The following STS variants were observed in gnomAD, a reference collection of about 807,000 sequenced individuals.
STS encodes the protein steryl-sulfatase.
STS carries 7 observed loss-of-function variants against 26.8 expected under a neutral mutation model. That is an observed-to-expected ratio of 0.26 (90% confidence interval 0.15 to 0.49). The LOEUF (loss-of-function observed/expected upper bound fraction) is 0.49, where lower values mean the gene tolerates loss of function less well. Ranked by LOEUF, STS falls within the 20% of genes least tolerant of loss-of-function variation. STS has a pLI of 0.98. For missense variants in STS, 434 were observed against 465.6 expected (o/e 0.93, Z 0.63); for synonymous variants, 199 against 189.4 (o/e 1.05, Z -0.42).
chrX:7,208,756 A>G (rs1451645594), intron 2 of STS, among the ~76,000 whole-genome samples: 1 of 111,891 alleles, frequency 8.9e-6, no homozygotes, highest in African/African-American at 3.2e-5. Flanking sequence ...ATGTAAAACA[A>G]TATAACCTTA....
chrX:7,200,666 C>T lies in STS; in HGVS notation c.-5+9658C>T, dbSNP rs956211065. Among the ~76,000 whole-genome samples the T allele has an allele frequency of 3.9e-4, 44 of 111,630 alleles. 1 individual carries two copies. The Admixed American group carries it at 4.2e-3, about 11-fold the overall frequency. ...GACAAAAATGGATGCCCCAGTGCCACAGTGAACATATTTCCTTAGCTCTGA... is the reference window on the plus strand; with the variant it reads ...GACAAAAATGGATGCCCCAGTGCCATAGTGAACATATTTCCTTAGCTCTGA... On this transcript the variant is annotated intron_variant, in intron 2 of 10. Transcript: ENST00000674429.
At chrX:7,315,584 C>T (rs755230313) in intron 8 of STS, among the ~76,000 whole-genome samples, 1 of 111,631 alleles carries the variant, frequency 9.0e-6, no homozygotes, top group Non-Finnish European at 1.9e-5. Context: ...AGTTCCAAAA[C>T]CTCAAAAGTA....
intron 7 of STS, among the ~76,000 whole-genome samples, chrX:7,304,226 T>A (rs1824827378): frequency 8.9e-6 from 1 of 112,242 alleles, no homozygotes; most frequent in African/African-American, 3.2e-5. Context: ...ATTGTTGCTC[T>A]ACCCATAAAA....
chrX:7,252,845 G>T (rs1173459360), intron 2 of STS, among the ~76,000 whole-genome samples: 1 of 111,666 alleles, frequency 9.0e-6, no homozygotes. Context: ...AGGTTTCTGT[G>T]TTTCCCTTAG....
Position 7,325,515 on chromosome X carries a change from G to A in STS, c.1241+17G>A, listed in dbSNP as rs746670212. 5.0e-6 allele frequency: 6 copies of A among 1,210,241 alleles called. No individual in the cohort carries two copies. The Admixed American group carries it at 6.5e-5, about 13-fold the overall frequency. On this transcript the variant is annotated intron_variant, in intron 9 of 10. Transcript: ENST00000674429. ...TGAGGACAGGTACTCTGATGCCAGG[G>A]TGGTTGGTATTGTTGAGCTCTGATT... is the stretch of plus-strand genomic sequence containing the variant.
At position 7,269,263 on chromosome X, in the gene STS, T is replaced by A. The variant is rs529039155; in HGVS notation, c.807-6688T>A. ...GATGTTCGTCTTTTGCCATACTAGATCTAGTGGGTCCATGGCATTCCCAAC... is the reference window on the plus strand; with the variant it reads ...GATGTTCGTCTTTTGCCATACTAGAACTAGTGGGTCCATGGCATTCCCAAC... On this transcript the variant is annotated intron_variant, in intron 6 of 10. Coordinates refer to ENST00000674429, the MANE Select transcript of STS (RefSeq NM_001320752.2). Among the ~76,000 whole-genome samples, 75 of 92,102 alleles carry A rather than the reference T, an allele frequency of 8.1e-4. 3 individuals are homozygous for A. The South Asian group carries it at 0.043, about 53-fold the overall frequency. 80.0% of individuals were successfully genotyped at this position (92,102 alleles called of 115,157 possible). A position where few individuals can be genotyped will look rare whatever the true frequency, so the allele number is the denominator to read the frequency against.
At chrX:7,312,525 G>C (rs181404946) in intron 8 of STS, among the ~76,000 whole-genome samples, 2 of 111,065 alleles carry the variant, frequency 1.8e-5, no homozygotes, top group African/African-American at 6.5e-5. Flanking sequence ...TTGAATTGTA[G>C]CTCCCATAAT....
In STS at chrX:7,308,503, C is replaced by T. The variant is rs552627665; in HGVS notation, c.1081+3320C>T. Among the ~76,000 whole-genome samples the T allele has an allele frequency of 1.6e-3, 182 of 111,403 alleles. 3 individuals are homozygous for T. The South Asian group carries it at 0.065, about 40-fold the overall frequency. ...GATAGTTCACCAGGGTTCAGAGACA[C>T]GAGAGGTATAGATCAGAAAGGGAGC... On this transcript the variant is annotated intron_variant, in intron 8 of 10. Transcript: ENST00000674429.
chrX:7,279,292 A>ATATAT (rs1555959584), intron 7 of STS, among the ~76,000 whole-genome samples: 688 of 62,577 alleles, frequency 0.011, 20 homozygotes, highest in African/African-American at 0.04. Flanking sequence ...AAAAAAAAAA[A>ATATAT]ATATATATAT....
chrX:7,298,366 T>A (rs1925765834), intron 7 of STS, among the ~76,000 whole-genome samples: 2 of 111,846 alleles, frequency 1.8e-5, no homozygotes, highest in Non-Finnish European at 3.8e-5. Flanking sequence ...TCCCTTGAGC[T>A]CCATATGGAT....
intron 1 of STS, among the ~76,000 whole-genome samples, chrX:7,177,966 A>C (rs1933606348): frequency 9.0e-6 from 1 of 110,557 alleles, no homozygotes; most frequent in East Asian, 2.9e-4. Context: ...TTTCTAGCTA[A>C]TTTTTTGGAG....
At chrX:7,205,641 C>CTTTTTTTTTTTTTTTTTTTTTTT (rs11318727) in intron 2 of STS, among the ~76,000 whole-genome samples, 1 of 87,997 alleles carries the variant, frequency 1.1e-5, no homozygotes. Flanking sequence ...TTTCTTTTTT[C>CTTTTTTTTTTTTTTTTTTTTTTT]TTTTTTTTTT....
At chrX:7,321,032 T>A (rs752361124) in intron 8 of STS, among the ~76,000 whole-genome samples, 2 of 110,966 alleles carry the variant, frequency 1.8e-5, no homozygotes, top group South Asian at 7.6e-4. Flanking sequence ...AAAATACCCA[T>A]CAACAGTGGA....
At chrX:7,328,384 C>A (rs781260557) in intron 9 of STS, among the ~76,000 whole-genome samples, 1 of 111,173 alleles carries the variant, frequency 9.0e-6, no homozygotes, top group South Asian at 3.8e-4. Flanking sequence ...CTGATGGAGG[C>A]CAATCTGTGT....
At chrX:7,162,977 A>T (rs778913011) in intron 1 of STS, among the ~76,000 whole-genome samples, 2 of 105,535 alleles carry the variant, frequency 1.9e-5, no homozygotes, top group East Asian at 6.0e-4. Flanking sequence ...GAATTGCTTG[A>T]ACCCGGGATG....
chrX:7,310,786 A>T, intron 8 of STS, among the ~76,000 whole-genome samples: 1 of 111,448 alleles, frequency 9.0e-6, no homozygotes, highest in Middle Eastern at 4.6e-3. Flanking sequence ...CCAGGACGTC[A>T]TATGACATCC....
intron 8 of STS, among the ~76,000 whole-genome samples, chrX:7,316,286 G>A (rs961531909): frequency 4.5e-5 from 5 of 112,114 alleles, no homozygotes; most frequent in Admixed American, 1.9e-4. Context: ...GTCCAAGTTG[G>A]TGTGCTCACC....
At chrX:7,200,562 A>G (rs1339665834) in intron 2 of STS, among the ~76,000 whole-genome samples, 1 of 111,621 alleles carries the variant, frequency 9.0e-6, no homozygotes, top group Non-Finnish European at 1.9e-5. Flanking sequence ...CCAAGCATGA[A>G]AAAGATGGAT....
chrX:7,321,964 C>G (rs1264725784), intron 8 of STS, among the ~76,000 whole-genome samples: 1 of 112,284 alleles, frequency 8.9e-6, no homozygotes, highest in Non-Finnish European at 1.9e-5. Flanking sequence ...GTCTCCATCC[C>G]TCAACGGGAG....
Sources: allele counts gnomAD v4.1 joint callset (sites outside exome capture counted in the v4.1 genomes callset), GRCh38; gene constraint gnomAD v4.1.1; transcripts MANE v1.5; gene names NCBI Gene and HGNC (gene_info 2026-07-23, HGNC 2026-07-21).